The following MAGEH1 variants were observed in gnomAD, a reference collection of about 807,000 sequenced individuals.
The protein encoded by MAGEH1 is MAGE family member H1, also known as melanoma-associated antigen H1.
For missense variants in MAGEH1, 152 were observed against 183.0 expected, an observed-to-expected ratio of 0.83 and a Z score of 0.98; for synonymous variants, 79 against 70.3, an observed-to-expected ratio of 1.12 and a Z score of -0.62.
In MAGEH1 at chrX:55,452,160, G is replaced by A. The variant is rs1247541364; in HGVS notation, c.-215G>A. On this transcript the variant is annotated 5_prime_UTR_variant, in exon 1 of 1. Transcript: ENST00000342972. Reference sequence around the variant, plus strand: ...TGAGCTTTCTCGCGGGCTTGCAGCTGCGGCAAGTGCTGGCGGCGGCTGCTC... The same window carrying A: ...TGAGCTTTCTCGCGGGCTTGCAGCTACGGCAAGTGCTGGCGGCGGCTGCTC... 3.1e-6 allele frequency: 1 copy of A among 322,774 alleles called. No homozygotes were observed. Among genetic ancestry groups the A allele is most frequent in the Admixed American group, 5.7e-5 (1 of 17,669 alleles). 26.6% of individuals were successfully genotyped at this position (322,774 alleles called of 1,213,427 possible). A position where few individuals can be genotyped will look rare whatever the true frequency, so the allele number is the denominator to read the frequency against.
Position 55,453,317 on chromosome X carries a change from A to G in MAGEH1, c.*283A>G. ...GTTTCCTGTCATTGACATTTAGTAT[A>G]ACAGTTTTGCTAACGTTCTAAAATG... On this transcript the variant is annotated 3_prime_UTR_variant, in exon 1 of 1. Coordinates refer to ENST00000342972, the MANE Select transcript of MAGEH1 (RefSeq NM_014061.5). 1 of 298,133 alleles carries G rather than the reference A, an allele frequency of 3.4e-6. No individual in the cohort carries two copies. Among genetic ancestry groups the G allele is most frequent in the East Asian group, 6.0e-5 (1 of 16,579 alleles). 24.6% of individuals were successfully genotyped at this position (298,133 alleles called of 1,213,427 possible).
At position 55,452,758 on chromosome X, in the gene MAGEH1, C is replaced by T; in HGVS notation, c.384C>T (p.Ile128=). The T allele has an allele frequency of 8.3e-7, 1 of 1,211,759 alleles. No individual in the cohort carries two copies. ...LGMQPGRQHS[I]FGDPKKIVTE... ...TGCAGCCTGGACGTCAGCACAGCAT[C>T]TTTGGAGATCCGAAGAAGATCGTCA... Residue 128 remains isoleucine, a synonymous_variant, in exon 1 of 1, where the codon ATC becomes ATT. Coordinates refer to ENST00000342972, the MANE Select transcript of MAGEH1 (RefSeq NM_014061.5).
chrX:55,453,288 CTT>C lies in MAGEH1; in HGVS notation c.*256_*257del, dbSNP rs1171005480. 5.8e-6 allele frequency: 2 copies of C among 344,910 alleles called. No homozygotes were observed. The highest frequency in any genetic ancestry group is 5.3e-5 in the African/African-American group (2 of 37,861). The allele number at this position is 344,910 out of a possible 1,213,427, so 28.4% of individuals were successfully genotyped here. A position where few individuals can be genotyped will look rare whatever the true frequency, so the allele number is the denominator to read the frequency against. ...AAAATATAATTGAACAAATTTTTTT[CTT>C]TGTTTCCTGTCATTGACATTTAGTA... On this transcript the variant is annotated 3_prime_UTR_variant, in exon 1 of 1. Transcript: ENST00000342972.
Position 55,453,348 on chromosome X carries a change from GT to G in MAGEH1, c.*316del. ...TTTGCTAACGTTCTAAAATGAAGTC[GT>G]TCCATCATAATCTATGATCTTGTAC... On this transcript the variant is annotated 3_prime_UTR_variant, in exon 1 of 1. Coordinates refer to ENST00000342972, the MANE Select transcript of MAGEH1 (RefSeq NM_014061.5). 4.0e-6 allele frequency: 1 copy of G among 249,782 alleles called. No individual in the cohort carries two copies. Among genetic ancestry groups the G allele is most frequent in the East Asian group, 8.2e-5 (1 of 12,193 alleles). 20.6% of individuals were successfully genotyped at this position (249,782 alleles called of 1,213,427 possible).
Position 55,452,470 on chromosome X carries a change from G to C in MAGEH1, c.96G>C (p.Glu32Asp), listed in dbSNP as rs778325797. The change falls in exon 1 of 1, where the codon GAG (glutamate) becomes GAC (aspartate). Residue 32 changes from glutamate to aspartate, a missense_variant. Physicochemically the swap from Glu to Asp is conservative, Grantham distance 45 (BLOSUM62 2). Transcript: ENST00000342972. ...AAATCCAGGCCTCAGAGGCCTCCGA[G>C]ACCCCTATGGCCGCCTCTGTGGTAG... is the stretch of plus-strand genomic sequence containing the variant. ...NRKIQASEAS[E>D]TPMAASVVAS... 10 of 1,202,577 alleles carry C rather than the reference G, an allele frequency of 8.3e-6. No individual in the cohort carries two copies. Among genetic ancestry groups the C allele is most frequent in the Non-Finnish European group, 1.1e-5 (10 of 892,657 alleles).
chrX:55,453,007 A>G lies in MAGEH1; in HGVS notation c.633A>G (p.Ser211=), dbSNP rs750687573. The G allele has an allele frequency of 5.0e-6, 6 of 1,211,328 alleles. No individual in the cohort carries two copies. In the South Asian group the frequency reaches 1.1e-4, roughly 21 times the overall value. ...CAGAGGTTGAGGCTATCCTCAATTCAGGTGCTAGGGGTTATTCCGCCCCTT... is the reference window on the plus strand; with the variant it reads ...CAGAGGTTGAGGCTATCCTCAATTCGGGTGCTAGGGGTTATTCCGCCCCTT... The part of the protein sequence containing the change: ...DDAEVEAILN[S]GARGYSAP The change falls in exon 1 of 1, where the codon TCA becomes TCG. Residue 211 remains serine (S), a synonymous_variant. Transcript: ENST00000342972.
Position 55,452,630 on chromosome X carries a change from G to A in MAGEH1, c.256G>A (p.Gly86Ser), listed in dbSNP as rs749895836. The A allele has an allele frequency of 1.7e-6, 2 of 1,211,428 alleles. No individual in the cohort carries two copies. The highest frequency in any genetic ancestry group is 3.0e-5 in the East Asian group (1 of 33,810). Residue 86 changes from glycine to serine, a missense_variant, in exon 1 of 1, where the codon GGC (glycine) becomes AGC (serine). Gly to Ser is a moderately conservative substitution (Grantham distance 56). Coordinates refer to ENST00000342972, the MANE Select transcript of MAGEH1 (RefSeq NM_014061.5). ...TTCAGTGCCCCGGAGCAATTTTCAG[G>A]GCACCAAGAAAAGTCTCCTGATGTC... is the stretch of plus-strand genomic sequence containing the variant. Reference protein sequence around the residue: ...KPSVPRSNFQGTKKSLLMSIL... With the variant: ...KPSVPRSNFQSTKKSLLMSIL...
chrX:55,452,257 T>C lies in MAGEH1; in HGVS notation c.-118T>C. The C allele has an allele frequency of 3.4e-6, 2 of 589,610 alleles. No individual in the cohort carries two copies. Among genetic ancestry groups the C allele is most frequent in the Admixed American group, 4.9e-5 (1 of 20,214 alleles). The allele number at this position is 589,610 out of a possible 1,213,427, so 48.6% of individuals were successfully genotyped here. On this transcript the variant is annotated 5_prime_UTR_variant, in exon 1 of 1. Coordinates refer to ENST00000342972, the MANE Select transcript of MAGEH1 (RefSeq NM_014061.5). The stretch of plus-strand genomic sequence containing the variant: ...CTTGTTTATTGCTACAAAGACTCTA[T>C]TGACATTGGTAGCTTCAGCGGCAGC...
Position 55,453,145 on chromosome X carries a change from G to A in MAGEH1, c.*111G>A, listed in dbSNP as rs1342954060. 1 of 641,273 alleles carries A rather than the reference G, an allele frequency of 1.6e-6. No individual in the cohort carries two copies. 52.8% of individuals were successfully genotyped at this position (641,273 alleles called of 1,213,427 possible). A position where few individuals can be genotyped will look rare whatever the true frequency, so the allele number is the denominator to read the frequency against. On this transcript the variant is annotated 3_prime_UTR_variant, in exon 1 of 1. Transcript: ENST00000342972. ...ATGTCGATTGGGGGCGGGGGACACT[G>A]TATTTGATATTTGTGATCAGTGATC...
chrX:55,453,096 T>G lies in MAGEH1; in HGVS notation c.*62T>G. On this transcript the variant is annotated 3_prime_UTR_variant, in exon 1 of 1. Transcript: ENST00000342972. ...AGTCACAGGTACCCCAAGGAGTAGA[T>G]GCCAGGGTCCTAAGTTGAAAATGAT... 9.6e-7 allele frequency: 1 copy of G among 1,041,481 alleles called. No homozygotes were observed. Among genetic ancestry groups the G allele is most frequent in the Non-Finnish European group, 1.3e-6 (1 of 763,476 alleles). 85.8% of individuals were successfully genotyped at this position (1,041,481 alleles called of 1,213,427 possible). A position where few individuals can be genotyped will look rare whatever the true frequency, so the allele number is the denominator to read the frequency against.
Position 55,452,348 on chromosome X carries a change from G to A in MAGEH1, c.-27G>A, listed in dbSNP as rs1357015521. The A allele has an allele frequency of 1.8e-6, 2 of 1,131,362 alleles. No homozygotes were observed. Among genetic ancestry groups the A allele is most frequent in the Non-Finnish European group, 2.3e-6 (2 of 856,811 alleles). 93.2% of individuals were successfully genotyped at this position (1,131,362 alleles called of 1,213,427 possible). ...ACAAGCATCCTTCCCTAGGACTGCT[G>A]TAAGCTTTGAGCCTCTAGCAGGAGA... On this transcript the variant is annotated 5_prime_UTR_variant, in exon 1 of 1. Coordinates refer to ENST00000342972, the MANE Select transcript of MAGEH1 (RefSeq NM_014061.5).
Position 55,452,831 on chromosome X carries a change from C to G in MAGEH1, c.457C>G (p.Arg153Gly), listed in dbSNP as rs779259419. The G allele has an allele frequency of 5.0e-6, 6 of 1,211,207 alleles. No individual in the cohort carries two copies. Among genetic ancestry groups the G allele is most frequent in the Non-Finnish European group, 5.6e-6 (5 of 895,286 alleles). Residue 153 changes from arginine to glycine, a missense_variant, in exon 1 of 1, where the codon CGT becomes GGT. Coordinates refer to ENST00000342972, the MANE Select transcript of MAGEH1 (RefSeq NM_014061.5). Reference protein sequence around the residue: ...RGYLIYKPVPRSSPVEYEFFW... With the variant: ...RGYLIYKPVPGSSPVEYEFFW... ...GTACCTGATTTATAAACCGGTGCCC[C>G]GTAGCAGTCCGGTGGAGTATGAGTT...
chrX:55,452,797 G>A lies in MAGEH1; in HGVS notation c.423G>A (p.Val141=), dbSNP rs1158639227. 6 of 1,209,747 alleles carry A rather than the reference G, an allele frequency of 5.0e-6. No individual in the cohort carries two copies. The highest frequency in any genetic ancestry group is 6.7e-6 in the Non-Finnish European group (6 of 895,218). Residue 141 remains valine (V), a synonymous_variant, in exon 1 of 1, where the codon GTG becomes GTA. Transcript: ENST00000342972. ...DPKKIVTEEF[V]RRGYLIYKPV... is the part of the protein sequence containing the mutation. ...AGAAGATCGTCACAGAAGAGTTTGT[G>A]CGCAGAGGGTACCTGATTTATAAAC...
In MAGEH1 at chrX:55,452,166, A is replaced by G. The variant is rs2031185435; in HGVS notation, c.-209A>G. On this transcript the variant is annotated 5_prime_UTR_variant, in exon 1 of 1. Coordinates refer to ENST00000342972, the MANE Select transcript of MAGEH1 (RefSeq NM_014061.5). The stretch of plus-strand genomic sequence containing the variant: ...TTCTCGCGGGCTTGCAGCTGCGGCA[A>G]GTGCTGGCGGCGGCTGCTCGCGCAA... 1.2e-5 allele frequency: 4 copies of G among 328,301 alleles called. No homozygotes were observed. Among genetic ancestry groups the G allele is most frequent in the Non-Finnish European group, 2.1e-5 (4 of 193,876 alleles). 27.1% of individuals were successfully genotyped at this position (328,301 alleles called of 1,213,427 possible).
In MAGEH1 at chrX:55,452,908, T is replaced by A. The variant is rs186691048; in HGVS notation, c.534T>A (p.His178Gln). 32 of 1,209,903 alleles carry A rather than the reference T, an allele frequency of 2.6e-5. No homozygotes were observed. The highest frequency in any genetic ancestry group is 2.3e-4 in the Middle Eastern group (1 of 4,356). Residue 178 changes from histidine (H) to glutamine (Q), a missense_variant, in exon 1 of 1, where the codon CAT (histidine) becomes CAA (glutamine). His to Gln is a conservative substitution (Grantham distance 24). Coordinates refer to ENST00000342972, the MANE Select transcript of MAGEH1 (RefSeq NM_014061.5). ...AATCGAGCAAACTGAAAGTCATGCA[T>A]TTTGTGGCAAGGGTTCGTAACCGAT... Reference protein sequence around the residue: ...HVESSKLKVMHFVARVRNRCS... With the variant: ...HVESSKLKVMQFVARVRNRCS...
chrX:55,452,203 T>G lies in MAGEH1; in HGVS notation c.-172T>G. The G allele has an allele frequency of 2.6e-6, 1 of 384,321 alleles. No individual in the cohort carries two copies. The allele number at this position is 384,321 out of a possible 1,213,427, so 31.7% of individuals were successfully genotyped here. On this transcript the variant is annotated 5_prime_UTR_variant, in exon 1 of 1. Coordinates refer to ENST00000342972, the MANE Select transcript of MAGEH1 (RefSeq NM_014061.5). ...GGCTGCTCGCGCAAGTCAGCTGGCG[T>G]GGGAACTACCCTTTGTAGCTGAGAA...
Position 55,452,440 on chromosome X carries a change from T to C in MAGEH1, c.66T>C (p.Asn22=), listed in dbSNP as rs1278252270. The C allele has an allele frequency of 1.7e-6, 2 of 1,179,738 alleles. No homozygotes were observed. Among genetic ancestry groups the C allele is most frequent in the Non-Finnish European group, 2.3e-6 (2 of 884,005 alleles). The part of the protein sequence containing the change: ...NARAAEENRN[N]RKIQASEASE... ...GAGCCGCAGAAGAGAACCGCAACAA[T>C]CGCAAAATCCAGGCCTCAGAGGCCT... The change falls in exon 1 of 1, where the codon AAT becomes AAC. Residue 22 remains asparagine, a synonymous_variant. Coordinates refer to ENST00000342972, the MANE Select transcript of MAGEH1 (RefSeq NM_014061.5).
chrX:55,453,077 A>G lies in MAGEH1; in HGVS notation c.*43A>G. 1 of 1,120,401 alleles carries G rather than the reference A, an allele frequency of 8.9e-7. No individual in the cohort carries two copies. The highest frequency in any genetic ancestry group is 2.0e-5 in the South Asian group (1 of 49,095). The allele number at this position is 1,120,401 out of a possible 1,213,427, so 92.3% of individuals were successfully genotyped here. The stretch of plus-strand genomic sequence containing the variant: ...CCTTGGGGGTGTAAAAGAGAGTCAC[A>G]GGTACCCCAAGGAGTAGATGCCAGG... On this transcript the variant is annotated 3_prime_UTR_variant, in exon 1 of 1. Coordinates refer to ENST00000342972, the MANE Select transcript of MAGEH1 (RefSeq NM_014061.5).
rs2031203057 is a variant in MAGEH1, at chrX:55,453,061, T to A, written c.*27T>A. 2 of 1,177,070 alleles carry A rather than the reference T, an allele frequency of 1.7e-6. No individual in the cohort carries two copies. The highest frequency in any genetic ancestry group is 2.3e-6 in the Non-Finnish European group (2 of 873,856). ...TAGATCTGAGGCAGACCCTTGGGGG[T>A]GTAAAAGAGAGTCACAGGTACCCCA... is the stretch of plus-strand genomic sequence containing the variant. On this transcript the variant is annotated 3_prime_UTR_variant, in exon 1 of 1. Coordinates refer to ENST00000342972, the MANE Select transcript of MAGEH1 (RefSeq NM_014061.5).
Sources: allele counts gnomAD v4.1 joint callset, GRCh38; gene constraint gnomAD v4.1.1; transcripts MANE v1.5; gene names NCBI Gene and HGNC (gene_info 2026-07-23, HGNC 2026-07-21).